The following ZNG1E variants were observed in gnomAD, a reference collection of about 807,000 sequenced individuals.
ZNG1E encodes the protein Zn regulated GTPase metalloprotein activator 1E, also known as zinc-regulated GTPase metalloprotein activator 1E.
chr9:65,666,961 C>A, the ZNG1E span, among the ~76,000 whole-genome samples: 1 of 151,882 alleles, frequency 6.6e-6, no homozygotes, highest in Non-Finnish European at 1.5e-5. Context: ...GCTGGGATTA[C>A]AGGAGTGTGC....
the ZNG1E span, among the ~76,000 whole-genome samples, chr9:65,714,948 T>C: frequency 6.6e-6 from 1 of 151,088 alleles, no homozygotes. Flanking sequence ...TCCTGGCTGC[T>C]TTGTTTACCT....
At chr9:65,656,719 T>C in the ZNG1E span, among the ~76,000 whole-genome samples, 3 of 152,272 alleles carry the variant, frequency 2.0e-5, no homozygotes, top group Non-Finnish European at 2.9e-5. Context: ...AATGAAGGGG[T>C]AGTGAAAATT....
At chr9:65,668,580 G>A in the ZNG1E span, among the ~76,000 whole-genome samples, 4 of 148,068 alleles carry the variant, frequency 2.7e-5, no homozygotes. Context: ...ACCCAGGCTG[G>A]AGTGCAGTGC....
chr9:65,678,149 A>G, the ZNG1E span, among the ~76,000 whole-genome samples: 1 of 137,408 alleles, frequency 7.3e-6, no homozygotes, highest in Non-Finnish European at 1.6e-5. Flanking sequence ...ATCTTCTCTT[A>G]GAAGATTTCT....
chr9:65,709,940 C>T, the ZNG1E span, among the ~76,000 whole-genome samples: 1 of 151,630 alleles, frequency 6.6e-6, no homozygotes, highest in Non-Finnish European at 1.5e-5. Flanking sequence ...CTGACTTCCA[C>T]AATGGTTGAA....
chr9:65,674,056 C>G, the ZNG1E span, among the ~76,000 whole-genome samples: 1 of 151,776 alleles, frequency 6.6e-6, no homozygotes, highest in Non-Finnish European at 1.5e-5. Flanking sequence ...GCTTATGAAC[C>G]ATTGTGTTTA....
the ZNG1E span, among the ~76,000 whole-genome samples, chr9:65,717,535 C>G: frequency 2.7e-5 from 4 of 149,890 alleles, no homozygotes; most frequent in East Asian, 7.7e-4. Context: ...CACTAGTTAG[C>G]CATGATCCCT....
chr9:65,721,944 G>A, the ZNG1E span, among the ~76,000 whole-genome samples: 1 of 149,994 alleles, frequency 6.7e-6, no homozygotes, highest in Non-Finnish European at 1.5e-5. Flanking sequence ...ATTCATGGCT[G>A]AGGTCTCTCT....
chr9:65,691,442 C>T, the ZNG1E span, among the ~76,000 whole-genome samples: 1 of 152,022 alleles, frequency 6.6e-6, no homozygotes, highest in African/African-American at 2.4e-5. Context: ...CATGTTATAA[C>T]TTTAATTCCT....
At chr9:65,708,465 T>C in the ZNG1E span, 1 of 248,220 alleles carries the variant, frequency 4.0e-6, no homozygotes, top group Non-Finnish European at 7.7e-6. Flanking sequence ...ACATTGGTTA[T>C]TTGACTCCTC....
chr9:65,678,113 A>C, the ZNG1E span, among the ~76,000 whole-genome samples: 11 of 131,346 alleles, frequency 8.4e-5, no homozygotes, highest in African/African-American at 3.3e-4. Flanking sequence ...TTTTTTTTTC[A>C]TAATATGGTT....
chr9:65,709,573 A>C, the ZNG1E span, among the ~76,000 whole-genome samples: 2 of 131,714 alleles, frequency 1.5e-5, no homozygotes, highest in Non-Finnish European at 3.1e-5. Flanking sequence ...TCATTGTTCA[A>C]TTCCCACCTA....
chr9:65,717,528 T>C, the ZNG1E span, among the ~76,000 whole-genome samples: 1 of 149,830 alleles, frequency 6.7e-6, no homozygotes, highest in African/African-American at 2.5e-5. Context: ...TGCTGTTCAC[T>C]AGTTAGCCAT....
At chr9:65,676,644 T>C in the ZNG1E span, among the ~76,000 whole-genome samples, 1 of 151,712 alleles carries the variant, frequency 6.6e-6, no homozygotes, top group African/African-American at 2.4e-5. Context: ...AAACACTTTT[T>C]TTTTGAGGTC....
At chr9:65,684,971 G>A in the ZNG1E span, among the ~76,000 whole-genome samples, 1 of 151,184 alleles carries the variant, frequency 6.6e-6, no homozygotes, top group Admixed American at 6.6e-5. Flanking sequence ...GAGCTCAGGA[G>A]TTTGAGGCTG....
the ZNG1E span, chr9:65,707,969 C>T: frequency 2.0e-5 from 3 of 151,232 alleles, no homozygotes; most frequent in African/African-American, 7.4e-5. Flanking sequence ...AAATGATTCT[C>T]CTGCCGCAGC....
the ZNG1E span, among the ~76,000 whole-genome samples, chr9:65,728,462 A>G: frequency 7.5e-5 from 11 of 147,602 alleles, no homozygotes; most frequent in Non-Finnish European, 1.5e-4. Context: ...AGATAAATAA[A>G]ATTGATAGAC....
At chr9:65,693,645 C>A in the ZNG1E span, among the ~76,000 whole-genome samples, 2 of 150,884 alleles carry the variant, frequency 1.3e-5, no homozygotes, top group African/African-American at 2.4e-5. Flanking sequence ...GCAACCTCCA[C>A]CTCCCAGGTT....
chr9:65,711,307 A>T, the ZNG1E span, among the ~76,000 whole-genome samples: 1 of 126,666 alleles, frequency 7.9e-6, no homozygotes, highest in Non-Finnish European at 1.6e-5. Flanking sequence ...AAACAGGGAC[A>T]ATTTGACTTC....
Sources: gnomAD v4.1 joint callset for allele counts (sites outside exome capture counted in the v4.1 genomes callset) on GRCh38, gnomAD v4.1.1 for gene constraint, MANE v1.5 for transcripts, NCBI Gene and HGNC (gene_info 2026-07-23, HGNC 2026-07-21) for gene names.